FBRSL1: variants seen among roughly 807,000 people sequenced by gnomAD.
The protein encoded by FBRSL1 is fibrosin like 1, also known as fibrosin-1-like protein.
In FBRSL1, 51 loss-of-function variants were observed where a neutral mutation model predicts 89.6. That is an observed-to-expected ratio of 0.57 (90% CI 0.45 to 0.72). FBRSL1 has a LOEUF of 0.72. Among genes scored for constraint, FBRSL1 ranks in the 30% least tolerant of loss-of-function variants. FBRSL1 has a pLI of 0.00. For missense variants in FBRSL1, 1,618 were observed against 1,451.8 expected, an observed-to-expected ratio of 1.11 and a Z score of -1.86; for synonymous variants, 779 against 681.1, an observed-to-expected ratio of 1.14 and a Z score of -2.24.
intron 1 of FBRSL1, among the ~76,000 whole-genome samples, chr12:132,492,881 G>A (rs938483791): frequency 2.0e-5 from 3 of 152,218 alleles, no homozygotes; most frequent in African/African-American, 7.2e-5. Context: ...GTGTCTCTTG[G>A]TTGTCTACAT....
Position 132,569,956 on chromosome 12 carries a change from C to A in FBRSL1, c.722C>A (p.Ala241Asp). 1 of 1,432,428 alleles carries A rather than the reference C, an allele frequency of 7.0e-7. No homozygotes were observed. Among genetic ancestry groups the A allele is most frequent in the African/African-American group, 1.5e-5 (1 of 66,876 alleles). The allele number at this position is 1,432,428 out of a possible 1,614,324, so 88.7% of individuals were successfully genotyped here. A position where few individuals can be genotyped will look rare whatever the true frequency, so the allele number is the denominator to read the frequency against. Residue 241 changes from alanine (A) to aspartate (D), a missense_variant, in exon 7 of 19, where the codon GCC (alanine) becomes GAC (aspartate). Ala to Asp is a moderately radical substitution (Grantham distance 126, BLOSUM62 -2). Transcript: ENST00000680143. ...GCGCTTGAGAAGTCGGAGGCCAAGGCCGGGCCGGTGCCCAAGGTGTCAGGC... is the reference window on the plus strand; with the variant it reads ...GCGCTTGAGAAGTCGGAGGCCAAGGACGGGCCGGTGCCCAAGGTGTCAGGC... ...GPALEKSEAK[A>D]GPVPKVSGLE...
chr12:132,582,124 C>G lies in FBRSL1; in HGVS notation c.2059C>G (p.His687Asp), dbSNP rs1221578753. The change falls in exon 18 of 19, where the codon CAT (histidine) becomes GAT (aspartate). Residue 687 changes from histidine to aspartate, a missense_variant. Transcript: ENST00000680143. ...CTCCGTGCACGGCCTGCCCAGCCCCCATGAGGCCTGGAACCGACTGCACCG... is the reference window on the plus strand; with the variant it reads ...CTCCGTGCACGGCCTGCCCAGCCCCGATGAGGCCTGGAACCGACTGCACCG... Reference protein sequence around the residue: ...GSSVHGLPSPHEAWNRLHRAP... With the variant: ...GSSVHGLPSPDEAWNRLHRAP... 1.3e-6 allele frequency: 2 copies of G among 1,549,984 alleles called. No individual in the cohort carries two copies. Among genetic ancestry groups the G allele is most frequent in the Non-Finnish European group, 8.7e-7 (1 of 1,146,768 alleles).
chr12:132,508,030 C>T (rs1055925838), intron 1 of FBRSL1, 123 bp from the exon 2 acceptor site: 4 of 970,928 alleles, frequency 4.1e-6, no homozygotes, highest in Non-Finnish European at 4.5e-6. Context: ...ATCTTCCTTT[C>T]CCTCTGAGGT....
intron 5 of FBRSL1, among the ~76,000 whole-genome samples, chr12:132,561,393 T>A (rs2039111693): frequency 6.6e-6 from 1 of 151,846 alleles, no homozygotes; most frequent in South Asian, 2.1e-4. Context: ...ACCTGGGACG[T>A]GGAGCGGAAC....
chr12:132,493,753 G>A (rs1158688582), intron 1 of FBRSL1, among the ~76,000 whole-genome samples: 3 of 152,222 alleles, frequency 2.0e-5, no homozygotes, highest in East Asian at 1.9e-4. Context: ...TTCTGTGCCC[G>A]GGGCAGGCCC....
In FBRSL1 at chr12:132,490,727, C is replaced by G; in HGVS notation, c.157C>G (p.Pro53Ala). Reference sequence around the variant, plus strand: ...GGAGAACGCGGGCCTCCGCGGCGCGCCCCCCCGAGGCGCCGCCCCCGCGCC... The same window carrying G: ...GGAGAACGCGGGCCTCCGCGGCGCGGCCCCCCGAGGCGCCGCCCCCGCGCC... ...GKENAGLRGAPPRGAAPAPRT... is the reference protein window; with the variant it reads ...GKENAGLRGAAPRGAAPAPRT... The change falls in exon 1 of 19, where the codon CCC becomes GCC. Residue 53 changes from proline (P) to alanine (A), a missense_variant. Pro to Ala is a conservative substitution (Grantham distance 27). Transcript: ENST00000680143. 1 of 985,946 alleles carries G rather than the reference C, an allele frequency of 1.0e-6. No individual in the cohort carries two copies. 61.1% of individuals were successfully genotyped at this position (985,946 alleles called of 1,614,324 possible). A position where few individuals can be genotyped will look rare whatever the true frequency, so the allele number is the denominator to read the frequency against.
At chr12:132,543,680 G>A (rs1158859950) in intron 4 of FBRSL1, among the ~76,000 whole-genome samples, 1 of 152,188 alleles carries the variant, frequency 6.6e-6, no homozygotes, top group Non-Finnish European at 1.5e-5. Flanking sequence ...TCCACCCACG[G>A]GTGAGGGTCT....
intron 1 of FBRSL1, among the ~76,000 whole-genome samples, chr12:132,503,851 A>C (rs545396987): frequency 6.6e-5 from 10 of 152,244 alleles, no homozygotes; most frequent in Middle Eastern, 3.4e-3. Context: ...AGCCTGACGA[A>C]GGTGTGAGCC....
intron 2 of FBRSL1, among the ~76,000 whole-genome samples, chr12:132,517,157 G>T (rs1404126882): frequency 6.6e-6 from 1 of 152,202 alleles, no homozygotes; most frequent in Non-Finnish European, 1.5e-5. Flanking sequence ...GCCTGGGCCT[G>T]CCACCTGCAG....
At position 132,547,942 on chromosome 12, in the gene FBRSL1, C is replaced by T. The variant is rs552524575; in HGVS notation, c.616-61C>T. 3 of 1,538,878 alleles carry T rather than the reference C, an allele frequency of 1.9e-6. No homozygotes were observed. In the African/African-American group the frequency reaches 4.1e-5, roughly 21 times the overall value. ...CCCCTGCAGCCTGGCTGCTGCCGTG[C>T]CCCGGGGGGTGACACTGGTTGGTGG... On this transcript the variant is annotated intron_variant, in intron 4 of 18. Transcript: ENST00000680143.
intron 4 of FBRSL1, among the ~76,000 whole-genome samples, chr12:132,529,315 T>C (rs556374360): frequency 6.6e-6 from 1 of 152,332 alleles, no homozygotes; most frequent in African/African-American, 2.4e-5. Flanking sequence ...CAGCTTCTGC[T>C]GGTGGCAGAG....
At position 132,490,633 on chromosome 12, in the gene FBRSL1, G is replaced by A. The variant is rs2030679966; in HGVS notation, c.63G>A (p.Arg21=). Reference sequence around the variant, plus strand: ...CGCAGCGGGACCGTGGCCGGCGCCGGGAGGCCGCCCGCGACGCCCGCGCCC... The same window carrying A: ...CGCAGCGGGACCGTGGCCGGCGCCGAGAGGCCGCCCGCGACGCCCGCGCCC... The part of the protein sequence containing the change: ...SRAQRDRGRR[R]EAARDARAQS... The change falls in exon 1 of 19, where the codon CGG becomes CGA. Residue 21 remains arginine (R), a synonymous_variant. Coordinates refer to ENST00000680143, the MANE Select transcript of FBRSL1 (RefSeq NM_001367871.1). 1.0e-6 allele frequency: 1 copy of A among 983,716 alleles called. No homozygotes were observed. The highest frequency in any genetic ancestry group is 6.3e-5 in the Admixed American group (1 of 15,910). 60.9% of individuals were successfully genotyped at this position (983,716 alleles called of 1,614,324 possible).
chr12:132,505,389 C>T (rs1250822521), intron 1 of FBRSL1, among the ~76,000 whole-genome samples: 1 of 152,168 alleles, frequency 6.6e-6, no homozygotes, highest in Non-Finnish European at 1.5e-5. Flanking sequence ...AATGAGGACA[C>T]TGGGGCTGCC....
In FBRSL1 at chr12:132,570,180, G is replaced by A. The variant is rs1221102818; in HGVS notation, c.946G>A (p.Ala316Thr). The part of the protein sequence containing the change: ...PRGLLPTHVP[A>T]SLGAFAGHSQ... ...CGGCCTGCTCCCGACACACGTGCCT[G>A]CATCCCTGGGCGCCTTCGCGGGCCA... Residue 316 changes from alanine (A) to threonine (T), a missense_variant, in exon 7 of 19, where the codon GCA becomes ACA. By Grantham distance (58) the Ala-to-Thr change is moderately conservative. Coordinates refer to ENST00000680143, the MANE Select transcript of FBRSL1 (RefSeq NM_001367871.1). 11 of 1,505,400 alleles carry A rather than the reference G, an allele frequency of 7.3e-6. No homozygotes were observed. The highest frequency in any genetic ancestry group is 5.3e-5 in the East Asian group (2 of 38,050). 93.3% of individuals were successfully genotyped at this position (1,505,400 alleles called of 1,614,324 possible). A position where few individuals can be genotyped will look rare whatever the true frequency, so the allele number is the denominator to read the frequency against.
At position 132,532,609 on chromosome 12, in the gene FBRSL1, T is replaced by C. The variant is rs532121199; in HGVS notation, c.615+4621T>C. Among the ~76,000 whole-genome samples, 14 of 152,120 alleles carry C rather than the reference T, an allele frequency of 9.2e-5. No homozygotes were observed. The East Asian group carries it at 2.5e-3, about 27-fold the overall frequency. On this transcript the variant is annotated intron_variant, in intron 4 of 18. Coordinates refer to ENST00000680143, the MANE Select transcript of FBRSL1 (RefSeq NM_001367871.1). ...CCTTGCCTCCCCTCCAGCCCATGTG[T>C]GCTGAGCGTGTCCATGGCCGGGCAT...
chr12:132,571,232 G>A lies in FBRSL1; in HGVS notation c.1377+1G>A. On this transcript the variant is annotated splice_donor_variant, in intron 9 of 18. Coordinates refer to ENST00000680143, the MANE Select transcript of FBRSL1 (RefSeq NM_001367871.1). LOFTEE classifies it high-confidence loss of function. ...GGCCTGCCGACCCCGGGAGTGCCAG[G>A]TGACTATCCGCCTCGCCCCGCCGGG... The A allele has an allele frequency of 2.1e-6, 3 of 1,461,062 alleles. No homozygotes were observed. Among genetic ancestry groups the A allele is most frequent in the Non-Finnish European group, 2.7e-6 (3 of 1,098,386 alleles). The allele number at this position is 1,461,062 out of a possible 1,614,324, so 90.5% of individuals were successfully genotyped here.
At chr12:132,556,793 CGTG>C (rs2038706580) in intron 5 of FBRSL1, among the ~76,000 whole-genome samples, 1 of 133,476 alleles carries the variant, frequency 7.5e-6, no homozygotes. Flanking sequence ...TCCAGGCCTT[CGTG>C]CTGCACCCCC....
At chr12:132,582,302 A>AC in intron 18 of FBRSL1, 36 bp downstream of exon 18, 1 of 1,485,354 alleles carries the variant, frequency 6.7e-7, no homozygotes, top group Non-Finnish European at 9.1e-7. Flanking sequence ...CCCACCACAC[A>AC]CCCCTACCCC....
intron 1 of FBRSL1, among the ~76,000 whole-genome samples, chr12:132,504,131 T>G (rs1290634585): frequency 6.6e-6 from 1 of 152,094 alleles, no homozygotes; most frequent in Non-Finnish European, 1.5e-5. Context: ...GCCTCCTGCC[T>G]GGTGCCAAGG....
Sources: gnomAD v4.1 joint callset for allele counts (sites outside exome capture counted in the v4.1 genomes callset) on GRCh38, gnomAD v4.1.1 for gene constraint, MANE v1.5 for transcripts, NCBI Gene and HGNC (gene_info 2026-07-23, HGNC 2026-07-21) for gene names.